The following APBB2 variants were observed in gnomAD, a reference collection of about 807,000 sequenced individuals.
APBB2 encodes Fe65-like 1.
In APBB2, 38 loss-of-function variants were observed where a neutral mutation model predicts 82.5. The observed-to-expected ratio is 0.46, with a 90% CI of 0.36 to 0.60. APBB2 has a LOEUF of 0.60. Ranked by LOEUF, APBB2 falls within the 20% of genes least tolerant of loss-of-function variation. The pLI, the probability that APBB2 is intolerant of heterozygous loss-of-function variation, is 0.00. For synonymous variants in APBB2, 341 were observed against 368.2 expected, an observed-to-expected ratio of 0.93 and a Z score of 0.85; for missense variants, 772 against 972.3, an observed-to-expected ratio of 0.79 and a Z score of 2.74.
In APBB2 at chr4:41,158,794, A is replaced by C. The variant is rs909477924; in HGVS notation, c.-416-15652T>G. Among the ~76,000 whole-genome samples the C allele has an allele frequency of 1.1e-4, 16 of 152,166 alleles. 1 individual carries two copies. The highest frequency in any genetic ancestry group is 9.8e-4 in the Admixed American group (15 of 15,284). ...CTAATATCGATTGAGCACCTACTAC[A>C]TGCCAGGCCCTTTACCCATCTGTCC... On this transcript the variant is annotated intron_variant, in intron 1 of 17. Transcript: ENST00000508593.
At chr4:40,934,063 A>G (rs1784836267) in intron 10 of APBB2, among the ~76,000 whole-genome samples, 1 of 152,214 alleles carries the variant, frequency 6.6e-6, no homozygotes, top group African/African-American at 2.4e-5. Context: ...CCTTGCACAG[A>G]TATGAGGCTG....
chr4:41,192,377 C>A (rs1036868627), intron 1 of APBB2, among the ~76,000 whole-genome samples: 2 of 152,080 alleles, frequency 1.3e-5, no homozygotes, highest in African/African-American at 4.8e-5. Flanking sequence ...AGCCAAGATA[C>A]GGAAACAACC....
At chr4:41,012,662 G>A (rs917525292) in intron 6 of APBB2, among the ~76,000 whole-genome samples, 1 of 151,900 alleles carries the variant, frequency 6.6e-6, no homozygotes, top group African/African-American at 2.4e-5. Flanking sequence ...GTAAAAATGT[G>A]ATTTCCTTCC....
intron 6 of APBB2, among the ~76,000 whole-genome samples, chr4:41,008,131 A>G (rs1227295529): frequency 2.0e-5 from 3 of 152,162 alleles, no homozygotes; most frequent in Non-Finnish European, 4.4e-5. Flanking sequence ...AACCAGATGA[A>G]ATCTGATATA....
chr4:40,993,503 G>C (rs1378591485), intron 6 of APBB2, among the ~76,000 whole-genome samples: 1 of 151,330 alleles, frequency 6.6e-6, no homozygotes, highest in Non-Finnish European at 1.5e-5. Flanking sequence ...TCCCACCTCA[G>C]CTTCCTGAGT....
At chr4:40,914,625 G>A (rs994394067) in intron 10 of APBB2, among the ~76,000 whole-genome samples, 1 of 152,182 alleles carries the variant, frequency 6.6e-6, no homozygotes, top group Non-Finnish European at 1.5e-5. Context: ...CATAAAACAA[G>A]GCTAGATACT....
intron 3 of APBB2, among the ~76,000 whole-genome samples, chr4:41,076,934 CAG>C (rs1735830845): frequency 6.6e-6 from 1 of 151,528 alleles, no homozygotes; most frequent in Admixed American, 6.6e-5. Context: ...AAAAAATCAA[CAG>C]AGAGGTTAAT....
At chr4:41,078,590 CCTAAATCTTCACACCT>C (rs1300964871) in intron 3 of APBB2, among the ~76,000 whole-genome samples, 2 of 152,148 alleles carry the variant, frequency 1.3e-5, no homozygotes, top group South Asian at 4.1e-4. Context: ...GTCAAATATG[CCTAAATCTTCACACCT>C]CTAGTTTTAG....
chr4:41,131,783 T>C (rs935689068), intron 2 of APBB2, among the ~76,000 whole-genome samples: 1 of 152,174 alleles, frequency 6.6e-6, no homozygotes, highest in African/African-American at 2.4e-5. Flanking sequence ...ATCACGTCTG[T>C]AATCCCAGCA....
intron 4 of APBB2, among the ~76,000 whole-genome samples, chr4:41,053,831 G>A (rs2153856428): frequency 6.6e-6 from 1 of 152,228 alleles, no homozygotes; most frequent in Non-Finnish European, 1.5e-5. Flanking sequence ...TCATCACTTT[G>A]AACTGTGAAC....
chr4:41,016,153 T>C (rs16851675), intron 5 of APBB2, among the ~76,000 whole-genome samples: 7,001 of 152,278 alleles, frequency 0.046, 345 homozygotes, highest in African/African-American at 0.13. Flanking sequence ...TATGAGAAAG[T>C]GCAAATCTGC....
At chr4:40,865,069 G>A (rs1763730192) in intron 12 of APBB2, among the ~76,000 whole-genome samples, 1 of 151,982 alleles carries the variant, frequency 6.6e-6, no homozygotes, top group Non-Finnish European at 1.5e-5. Flanking sequence ...TGTTGGTCAG[G>A]CTGGTCTCGA....
chr4:40,833,349 T>C (rs1190030745), intron 12 of APBB2, among the ~76,000 whole-genome samples: 1 of 152,192 alleles, frequency 6.6e-6, no homozygotes, highest in African/African-American at 2.4e-5. Flanking sequence ...CACTCCCCGC[T>C]GCTCCAGAAG....
chr4:41,163,528 C>T (rs62409975), intron 1 of APBB2, among the ~76,000 whole-genome samples: 22,804 of 152,114 alleles, frequency 0.15, 3,075 homozygotes, highest in African/African-American at 0.37. Flanking sequence ...AAGAAGATTA[C>T]TTTCTTAAGG....
intron 6 of APBB2, among the ~76,000 whole-genome samples, chr4:41,008,998 C>T (rs1039471271): frequency 2.0e-5 from 3 of 152,204 alleles, no homozygotes; most frequent in Admixed American, 2.0e-4. Flanking sequence ...GTTTCATACT[C>T]TGTGTCTTCA....
intron 1 of APBB2, among the ~76,000 whole-genome samples, chr4:41,194,691 C>T: frequency 6.6e-6 from 1 of 150,610 alleles, no homozygotes; most frequent in African/African-American, 2.5e-5. Flanking sequence ...AAAATAAATA[C>T]ACACATCTGA....
At chr4:41,043,010 G>T (rs538826745) in intron 4 of APBB2, among the ~76,000 whole-genome samples, 1 of 152,122 alleles carries the variant, frequency 6.6e-6, no homozygotes, top group African/African-American at 2.4e-5. Context: ...AGGATCCTGC[G>T]GGGGGAATCT....
intron 12 of APBB2, among the ~76,000 whole-genome samples, chr4:40,843,306 A>T (rs1429795065): frequency 1.3e-5 from 2 of 152,220 alleles, no homozygotes; most frequent in Non-Finnish European, 2.9e-5. Flanking sequence ...ATGGAGCTAA[A>T]ATCATGGCAT....
intron 4 of APBB2, among the ~76,000 whole-genome samples, chr4:41,042,081 C>T (rs1721727940): frequency 6.6e-6 from 1 of 152,122 alleles, no homozygotes; most frequent in African/African-American, 2.4e-5. Flanking sequence ...GCCTCCGCCT[C>T]CTGCATTCAA....
Sources: gnomAD v4.1 joint callset for allele counts (sites outside exome capture counted in the v4.1 genomes callset) on GRCh38, gnomAD v4.1.1 for gene constraint, MANE v1.5 for transcripts, NCBI Gene and HGNC (gene_info 2026-07-23, HGNC 2026-07-21) for gene names.